The following DOCK11 variants were observed in gnomAD, a reference collection of about 807,000 sequenced individuals.
DOCK11 encodes the protein dedicator of cytokinesis protein 11.
Under a neutral mutation model 169.1 loss-of-function variants are expected in DOCK11, and 70 were observed. That is an observed-to-expected ratio of 0.41 (90% CI 0.34 to 0.51). DOCK11 has a LOEUF of 0.51. Among genes scored for constraint, DOCK11 ranks in the 20% least tolerant of loss-of-function variants. The pLI is 0.10. For missense variants in DOCK11, 1,166 were observed against 1,538.8 expected (o/e 0.76, Z 4.05); for synonymous variants, 529 against 541.3 (o/e 0.98, Z 0.32).
Position 118,662,721 on chromosome X carries a change from A to G in DOCK11, c.5005A>G (p.Ile1669Val). 3.3e-6 allele frequency: 4 copies of G among 1,199,928 alleles called. No homozygotes were observed. Among genetic ancestry groups the G allele is most frequent in the Non-Finnish European group, 4.5e-6 (4 of 885,255 alleles). Reference sequence around the variant, plus strand: ...TAACGGATGTTCAGCGTTCAAGAAAATTACTCCCAATATAGATGAAGAAGG... The same window carrying G: ...TAACGGATGTTCAGCGTTCAAGAAAGTTACTCCCAATATAGATGAAGAAGG... Reference protein sequence around the residue: ...FPNGCSAFKKITPNIDEEGAM... With the variant: ...FPNGCSAFKKVTPNIDEEGAM... Residue 1669 changes from isoleucine (I) to valine (V), a missense_variant, in exon 45 of 53, where the codon ATT becomes GTT. Physicochemically the swap from Ile to Val is conservative, Grantham distance 29. Transcript: ENST00000276202.
At chrX:118,661,165 C>T (rs888623108) in intron 44 of DOCK11, among the ~76,000 whole-genome samples, 2 of 106,034 alleles carry the variant, frequency 1.9e-5, no homozygotes, top group Admixed American at 1.0e-4. Context: ...GCTATGATCA[C>T]GCTACTGCAC....
chrX:118,639,766 T>C (rs2147511394), intron 38 of DOCK11, among the ~76,000 whole-genome samples, 189 bp downstream of exon 38: 1 of 112,107 alleles, frequency 8.9e-6, no homozygotes, highest in East Asian at 2.8e-4. Flanking sequence ...GCCAATATGA[T>C]GGGAAATGAT....
chrX:118,556,895 C>T (rs1018891595), intron 6 of DOCK11, among the ~76,000 whole-genome samples: 4 of 110,989 alleles, frequency 3.6e-5, no homozygotes, highest in African/African-American at 6.6e-5. Context: ...ATGGGCCACT[C>T]TTCAGGATCT....
At chrX:118,561,058 A>G (rs2012892198) in intron 6 of DOCK11, among the ~76,000 whole-genome samples, 2 of 111,976 alleles carry the variant, frequency 1.8e-5, no homozygotes, top group South Asian at 7.4e-4. Context: ...AAATGATGTA[A>G]TCATGGTTTG....
intron 31 of DOCK11, among the ~76,000 whole-genome samples, chrX:118,623,137 G>A (rs902518520): frequency 1.8e-5 from 2 of 111,370 alleles, no homozygotes; most frequent in Non-Finnish European, 1.9e-5. Context: ...AGAATCTCTC[G>A]AACCCAGGAG....
At chrX:118,536,843 T>C (rs2011773243) in intron 1 of DOCK11, among the ~76,000 whole-genome samples, 1 of 111,574 alleles carries the variant, frequency 9.0e-6, no homozygotes, top group Admixed American at 9.6e-5. Context: ...GAACTCACTT[T>C]GTTTTCTGTG....
At chrX:118,542,292 T>C (rs1410862183) in intron 1 of DOCK11, among the ~76,000 whole-genome samples, 1 of 108,759 alleles carries the variant, frequency 9.2e-6, no homozygotes, top group Non-Finnish European at 1.9e-5. Flanking sequence ...TGCCTCAGCC[T>C]CCCGAGTGGC....
chrX:118,625,168 T>G (rs1197773198), intron 32 of DOCK11, among the ~76,000 whole-genome samples: 8 of 109,461 alleles, frequency 7.3e-5, no homozygotes, highest in African/African-American at 2.7e-4. Context: ...GGTTTTTTTT[T>G]TTTTGAGACA....
At chrX:118,561,571 T>C in intron 7 of DOCK11, 54 bp downstream of exon 7, 1 of 1,108,138 alleles carries the variant, frequency 9.0e-7, no homozygotes, top group Non-Finnish European at 1.2e-6. Context: ...TTGATAAACT[T>C]TTAAGAACCC....
chrX:118,660,841 C>T (rs1436688681), intron 44 of DOCK11, among the ~76,000 whole-genome samples: 4 of 110,902 alleles, frequency 3.6e-5, no homozygotes, highest in Admixed American at 9.6e-5. Context: ...GTAAATATCA[C>T]TTTCATTCCT....
In DOCK11 at chrX:118,495,945, C is replaced by A. The variant is rs745590632; in HGVS notation, c.-27C>A. On this transcript the variant is annotated 5_prime_UTR_variant, in exon 1 of 53. Coordinates refer to ENST00000276202, the MANE Select transcript of DOCK11 (RefSeq NM_144658.4). Reference sequence around the variant, plus strand: ...ACCCGCCCGCCGAGGTCCGCCCGCCCGCCGAGACCCGCCCGCCGCCGCTGC... The same window carrying A: ...ACCCGCCCGCCGAGGTCCGCCCGCCAGCCGAGACCCGCCCGCCGCCGCTGC... The A allele has an allele frequency of 4.0e-5, 41 of 1,022,622 alleles. No individual in the cohort carries two copies. In the South Asian group the frequency reaches 7.8e-4, roughly 19 times the overall value. 84.3% of individuals were successfully genotyped at this position (1,022,622 alleles called of 1,213,427 possible). A position where few individuals can be genotyped will look rare whatever the true frequency, so the allele number is the denominator to read the frequency against.
At chrX:118,646,053 CAA>C (rs754457760) in intron 40 of DOCK11, among the ~76,000 whole-genome samples, 120 of 38,978 alleles carry the variant, frequency 3.1e-3, no homozygotes, top group African/African-American at 8.6e-3. Context: ...GAGACTTCGT[CAA>C]AAAAAAAAAA....
intron 31 of DOCK11, among the ~76,000 whole-genome samples, chrX:118,619,346 C>A (rs1365581604): frequency 9.6e-6 from 1 of 104,098 alleles, no homozygotes; most frequent in Non-Finnish European, 2.0e-5. Context: ...TGGTGGCACA[C>A]ACCTGTAGTC....
chrX:118,543,945 A>G (rs1022569941), intron 4 of DOCK11, among the ~76,000 whole-genome samples: 2 of 112,184 alleles, frequency 1.8e-5, no homozygotes, highest in African/African-American at 6.5e-5. Context: ...TAGAGACTCC[A>G]TCTCAAAACA....
At chrX:118,537,926 G>A (rs2011815332) in intron 1 of DOCK11, among the ~76,000 whole-genome samples, 1 of 111,722 alleles carries the variant, frequency 9.0e-6, no homozygotes, top group African/African-American at 3.3e-5. Flanking sequence ...CCCATTTGTA[G>A]AGTTTGCACA....
rs1422514659 is a variant in DOCK11, at chrX:118,641,211, ACATTTT to A, written c.4168_4173del (p.Ile1390_Phe1391del). On this transcript the variant is annotated inframe_deletion, in exon 39 of 53. Coordinates refer to ENST00000276202, the MANE Select transcript of DOCK11 (RefSeq NM_144658.4). ...CTAGGTTCTACAACAACTGAAGCAGACATTTTCCACCAGGCACTTCTTGAAGGCAAT... is the reference window on the plus strand; with the variant it reads ...CTAGGTTCTACAACAACTGAAGCAGACCACCAGGCACTTCTTGAAGGCAAT... The A allele has an allele frequency of 1.7e-6, 2 of 1,208,601 alleles. No homozygotes were observed. The highest frequency in any genetic ancestry group is 1.1e-6 in the Non-Finnish European group (1 of 892,541).
intron 32 of DOCK11, among the ~76,000 whole-genome samples, chrX:118,625,806 A>C (rs751571141): frequency 9.0e-6 from 1 of 111,221 alleles, no homozygotes; most frequent in Non-Finnish European, 1.9e-5. Flanking sequence ...CTCCCCTTAG[A>C]ATTTTAAGAA....
intron 32 of DOCK11, among the ~76,000 whole-genome samples, chrX:118,627,243 A>T (rs764347833): frequency 9.0e-6 from 1 of 110,952 alleles, no homozygotes; most frequent in Admixed American, 9.6e-5. Flanking sequence ...ACGAAAACAA[A>T]AAAGACTGTA....
intron 10 of DOCK11, among the ~76,000 whole-genome samples, chrX:118,568,370 TTA>T (rs397839351): frequency 4.3e-3 from 159 of 36,563 alleles, no homozygotes; most frequent in Non-Finnish European, 5.1e-3. Context: ...TGGGGCTGAA[TTA>T]TATATATATA....
Sources: allele counts gnomAD v4.1 joint callset (sites outside exome capture counted in the v4.1 genomes callset), GRCh38; gene constraint gnomAD v4.1.1; transcripts MANE v1.5; gene names NCBI Gene and HGNC (gene_info 2026-07-23, HGNC 2026-07-21).